SLC35F1: variants seen among roughly 807,000 people sequenced by gnomAD.
SLC35F1 encodes the protein solute carrier family 35 member F1.
In SLC35F1, 14 loss-of-function variants were observed where a neutral mutation model predicts 48.7. The observed-to-expected ratio is 0.29, with a 90% CI of 0.19 to 0.45. The LOEUF (loss-of-function observed/expected upper bound fraction) is 0.45, where lower values mean the gene tolerates loss of function less well. SLC35F1 is among the 20% of genes least tolerant of loss of function. The pLI, the probability that SLC35F1 is intolerant of heterozygous loss-of-function variation, is 1.00. For synonymous variants in SLC35F1, 190 were observed against 202.2 expected, an observed-to-expected ratio of 0.94 and a Z score of 0.51; for missense variants, 404 against 500.0, an observed-to-expected ratio of 0.81 and a Z score of 1.83.
intron 7 of SLC35F1, among the ~76,000 whole-genome samples, chr6:118,303,005 T>G (rs972859828): frequency 6.6e-6 from 1 of 151,160 alleles, no homozygotes; most frequent in Non-Finnish European, 1.5e-5. Flanking sequence ...ATTAAACCCA[T>G]AATATGATTT....
At chr6:117,915,512 G>T (rs560767376) in intron 1 of SLC35F1, among the ~76,000 whole-genome samples, 1 of 152,022 alleles carries the variant, frequency 6.6e-6, no homozygotes, top group Non-Finnish European at 1.5e-5. Context: ...GGAGAGGGAG[G>T]TGAGACAGGA....
At chr6:118,099,046 T>C (rs1380987478) in intron 1 of SLC35F1, among the ~76,000 whole-genome samples, 2 of 152,170 alleles carry the variant, frequency 1.3e-5, no homozygotes, top group African/African-American at 4.8e-5. Flanking sequence ...TTAGGAAATG[T>C]GTTTACATGA....
chr6:117,995,882 T>A (rs953725581), intron 1 of SLC35F1, among the ~76,000 whole-genome samples: 6 of 152,258 alleles, frequency 3.9e-5, no homozygotes, highest in African/African-American at 1.4e-4. Flanking sequence ...CATCATAGTA[T>A]TCTTTATTTG....
chr6:117,930,040 T>C (rs926720349), intron 1 of SLC35F1, among the ~76,000 whole-genome samples: 1 of 152,206 alleles, frequency 6.6e-6, no homozygotes, highest in Non-Finnish European at 1.5e-5. Context: ...CAAAGTCACA[T>C]AGATACCAAG....
At chr6:118,116,417 G>C (rs1773477072) in intron 1 of SLC35F1, among the ~76,000 whole-genome samples, 1 of 152,206 alleles carries the variant, frequency 6.6e-6, no homozygotes, top group Non-Finnish European at 1.5e-5. Flanking sequence ...TAGAATAAAT[G>C]CAAGTGTGGT....
chr6:118,249,430 C>A (rs560682627), intron 3 of SLC35F1, among the ~76,000 whole-genome samples: 1 of 152,322 alleles, frequency 6.6e-6, no homozygotes, highest in East Asian at 1.9e-4. Flanking sequence ...CATGAAAACA[C>A]TTCTACACCT....
In SLC35F1 at chr6:117,907,797, C is replaced by T. The variant is rs763663689; in HGVS notation, c.71C>T (p.Thr24Ile). The change falls in exon 1 of 8, where the codon ACC (threonine) becomes ATC (isoleucine). Residue 24 changes from threonine to isoleucine, a missense_variant. This residue lies in a region of SLC35F1 where 98 missense variants were observed against 81.0 expected (regional missense o/e 1.21). Transcript: ENST00000360388. ...CCAGCCCCGCCGAACCATGTGGTGA[C>T]CACCATCGAGAACCTGCCGGCCGAG... ...PSPAPPNHVV[T>I]TIENLPAEGS... 25 of 1,558,424 alleles carry T rather than the reference C, an allele frequency of 1.6e-5. No homozygotes were observed. In the Admixed American group the frequency reaches 4.3e-4, roughly 27 times the overall value.
intron 1 of SLC35F1, among the ~76,000 whole-genome samples, chr6:118,068,267 T>C (rs1328469793): frequency 6.6e-6 from 1 of 152,186 alleles, no homozygotes. Context: ...CCTTACCAGC[T>C]ATCGAGTATC....
intron 1 of SLC35F1, among the ~76,000 whole-genome samples, chr6:117,923,872 AT>A (rs1775979504): frequency 7.0e-6 from 1 of 142,212 alleles, no homozygotes; most frequent in African/African-American, 2.7e-5. Context: ...GTGTACATAT[AT>A]ACATATGTAG....
At chr6:117,965,007 G>A (rs927341994) in intron 1 of SLC35F1, among the ~76,000 whole-genome samples, 1 of 152,130 alleles carries the variant, frequency 6.6e-6, no homozygotes, top group Non-Finnish European at 1.5e-5. Flanking sequence ...GGTCACTTAG[G>A]CAATCATAAT....
chr6:118,162,363 G>A (rs546737957), intron 2 of SLC35F1, among the ~76,000 whole-genome samples: 9 of 152,264 alleles, frequency 5.9e-5, no homozygotes, highest in East Asian at 1.9e-4. Context: ...TTTCCAGAGC[G>A]TGGGGTAGTG....
rs1034127158 is a variant in SLC35F1 at position 118,035,403 on chromosome 6, T to G, written c.174-119042T>G. Among the ~76,000 whole-genome samples the G allele has an allele frequency of 5.9e-5, 9 of 151,262 alleles. 1 individual carries two copies. The highest frequency in any genetic ancestry group is 1.9e-4 in the African/African-American group (8 of 41,156). On this transcript the variant is annotated intron_variant, in intron 1 of 7. Transcript: ENST00000360388. ...GAGCAGATCACCTGAGGTCAGGAGT[T>G]CAACACCAGCCTGCTTAACATGATG...
intron 1 of SLC35F1, among the ~76,000 whole-genome samples, chr6:118,006,592 C>A (rs1443077046): frequency 6.6e-6 from 1 of 152,090 alleles, no homozygotes; most frequent in Non-Finnish European, 1.5e-5. Context: ...GCACTCCAGT[C>A]TGGGTGATAG....
At chr6:118,277,384 G>A in intron 5 of SLC35F1, 110 bp from the exon 6 acceptor site, 1 of 960,814 alleles carries the variant, frequency 1.0e-6, no homozygotes, top group Admixed American at 2.1e-5. Context: ...AAATTCATCT[G>A]GTTGCTTCAT....
At chr6:118,206,839 A>T (rs1019769672) in intron 2 of SLC35F1, among the ~76,000 whole-genome samples, 4 of 152,096 alleles carry the variant, frequency 2.6e-5, no homozygotes, top group Non-Finnish European at 2.9e-5. Context: ...TTTGCATACA[A>T]TGCTTGTTTT....
chr6:118,228,841 G>A (rs1480813626), intron 2 of SLC35F1, among the ~76,000 whole-genome samples: 1 of 152,060 alleles, frequency 6.6e-6, no homozygotes, highest in Non-Finnish European at 1.5e-5. Flanking sequence ...TCTTGCTGCA[G>A]ACTGTGAAAT....
intron 1 of SLC35F1, among the ~76,000 whole-genome samples, chr6:117,995,976 A>G (rs1384656156): frequency 6.6e-6 from 1 of 152,226 alleles, no homozygotes; most frequent in Non-Finnish European, 1.5e-5. Context: ...ATAAAATTAC[A>G]GCAGAGGGGA....
intron 1 of SLC35F1, among the ~76,000 whole-genome samples, chr6:118,029,367 TGAGA>T (rs934602860): frequency 6.6e-6 from 1 of 151,756 alleles, no homozygotes; most frequent in Admixed American, 6.6e-5. Context: ...TAAGATATTT[TGAGA>T]GAGAGAGAGA....
rs1776403108 is a variant in SLC35F1, at chr6:118,314,117, C to T, written c.1092C>T (p.Pro364=). ...CCTCCACCTACATAGCCCAGGACCCCCGAGTGTATAAGCAGTTCCGCAATC... is the reference window on the plus strand; with the variant it reads ...CCTCCACCTACATAGCCCAGGACCCTCGAGTGTATAAGCAGTTCCGCAATC... ...SSTSTYIAQD[P]RVYKQFRNPS... is the part of the protein sequence containing the mutation. The change falls in exon 8 of 8, where the codon CCC becomes CCT. Residue 364 remains proline, a synonymous_variant. Coordinates refer to ENST00000360388, the MANE Select transcript of SLC35F1 (RefSeq NM_001029858.4). The T allele has an allele frequency of 6.2e-7, 1 of 1,614,194 alleles. No homozygotes were observed. Among genetic ancestry groups the T allele is most frequent in the Admixed American group, 1.7e-5 (1 of 60,020 alleles).
Sources: allele counts gnomAD v4.1 joint callset (sites outside exome capture counted in the v4.1 genomes callset), GRCh38; gene constraint gnomAD v4.1.1; regional missense constraint gnomAD v4.1.1; transcripts MANE v1.5; gene names NCBI Gene and HGNC (gene_info 2026-07-23, HGNC 2026-07-21).